KLRG2: variants seen among roughly 807,000 people sequenced by gnomAD.
KLRG2 encodes the protein killer cell lectin-like receptor subfamily G member 2.
KLRG2 carries 39 observed loss-of-function variants against 35.4 expected under a neutral mutation model. That is an observed-to-expected ratio of 1.10 (90% CI 0.85 to 1.44). The LOEUF (loss-of-function observed/expected upper bound fraction) is 1.44, where lower values mean the gene tolerates loss of function less well. Ranked by LOEUF, KLRG2 falls within the 40% of genes most tolerant of loss-of-function variation. The pLI is 0.00. For synonymous variants in KLRG2, 283 were observed against 265.8 expected, an observed-to-expected ratio of 1.06 and a Z score of -0.63; for missense variants, 632 against 570.9, an observed-to-expected ratio of 1.11 and a Z score of -1.09.
intron 3 of KLRG2, among the ~76,000 whole-genome samples, chr7:139,470,687 A>G (rs1341269483): frequency 1.3e-5 from 2 of 152,156 alleles, no homozygotes; most frequent in East Asian, 3.9e-4. Flanking sequence ...GCTACTTGGG[A>G]GGTTGAGGCA....
intron 3 of KLRG2, among the ~76,000 whole-genome samples, chr7:139,468,639 C>A (rs1796706890): frequency 6.6e-6 from 1 of 152,206 alleles, no homozygotes; most frequent in African/African-American, 2.4e-5. Flanking sequence ...GGTCTCTTCA[C>A]ACGGACGTGA....
the KLRG2 span, among the ~76,000 whole-genome samples, chr7:139,445,781 GTATATATATA>G: frequency 1.0e-4 from 10 of 98,486 alleles, 2 homozygotes; most frequent in African/African-American, 6.9e-4. Context: ...ATATATATAT[GTATATATATA>G]TGTGTGTATA....
the KLRG2 span, among the ~76,000 whole-genome samples, chr7:139,436,251 G>A: frequency 1.3e-5 from 2 of 151,866 alleles, no homozygotes; most frequent in East Asian, 1.9e-4. Flanking sequence ...TTTTTTCCTC[G>A]AGTCTCATCT....
chr7:139,442,931 C>T, the KLRG2 span, among the ~76,000 whole-genome samples: 1 of 151,620 alleles, frequency 6.6e-6, no homozygotes, highest in Non-Finnish European at 1.5e-5. Flanking sequence ...AGAGAAAAAA[C>T]GATACATTGG....
At chr7:139,462,931 T>C (rs1796591154) in intron 3 of KLRG2, among the ~76,000 whole-genome samples, 1 of 152,148 alleles carries the variant, frequency 6.6e-6, no homozygotes, top group Non-Finnish European at 1.5e-5. Flanking sequence ...AGGTTGCTCC[T>C]CACCAGGCCT....
At chr7:139,442,332 C>T in the KLRG2 span, among the ~76,000 whole-genome samples, 1 of 152,198 alleles carries the variant, frequency 6.6e-6, no homozygotes, top group African/African-American at 2.4e-5. Flanking sequence ...AGGTTATCCA[C>T]TCACATGAAT....
the KLRG2 span, among the ~76,000 whole-genome samples, chr7:139,432,437 G>C: frequency 6.6e-6 from 1 of 152,048 alleles, no homozygotes. Flanking sequence ...GACATTTACA[G>C]AGTTTAAATT....
At chr7:139,448,883 T>A (rs934418464), downstream of KLRG2, 2 of 150,292 alleles carry the variant, frequency 1.3e-5, no homozygotes, top group South Asian at 4.2e-4. Context: ...CTGAGGCGGG[T>A]GGATCATGAG....
Position 139,483,361 on chromosome 7 carries a change from C to T in KLRG2, c.282G>A (p.Pro94=), listed in dbSNP as rs765561330. 2 of 1,541,094 alleles carry T rather than the reference C, an allele frequency of 1.3e-6. No homozygotes were observed. The highest frequency in any genetic ancestry group is 1.2e-5 in the South Asian group (1 of 85,006). ...GCTTGACCAAGGCAGGGCCCGGTGA[C>T]GGCGGCTCGGGGCAGACCCCGTAGC... ...SLGYGVCPEP[P]SPGPALVKLP... Residue 94 remains proline, a synonymous_variant, in exon 1 of 5, where the codon CCG becomes CCA. Coordinates refer to ENST00000340940, the MANE Select transcript of KLRG2 (RefSeq NM_198508.4).
intron 3 of KLRG2, among the ~76,000 whole-genome samples, chr7:139,461,848 A>T (rs947961671): frequency 6.6e-6 from 1 of 152,118 alleles, no homozygotes; most frequent in Non-Finnish European, 1.5e-5. Flanking sequence ...GTCTCTTCAC[A>T]CGGATGCGTG....
intron 4 of KLRG2, 111 bp downstream of exon 4, chr7:139,454,000 G>A: frequency 1.3e-6 from 1 of 766,948 alleles, no homozygotes; most frequent in Non-Finnish European, 2.2e-6. Flanking sequence ...ATGGGCGTGG[G>A]CTGCTTTCCA....
the KLRG2 span, among the ~76,000 whole-genome samples, chr7:139,434,744 C>G: frequency 6.6e-6 from 1 of 152,294 alleles, no homozygotes; most frequent in East Asian, 1.9e-4. Flanking sequence ...AGAACTAGCG[C>G]AAGAGGGCGC....
At chr7:139,477,449 C>T (rs1456527632) in intron 3 of KLRG2, among the ~76,000 whole-genome samples, 2 of 152,104 alleles carry the variant, frequency 1.3e-5, no homozygotes. Flanking sequence ...GCCTTGAGGA[C>T]ATGATACTAA....
chr7:139,433,182 G>T, the KLRG2 span, among the ~76,000 whole-genome samples: 2 of 152,120 alleles, frequency 1.3e-5, no homozygotes, highest in African/African-American at 4.8e-5. Flanking sequence ...CTTTCACTCA[G>T]TCTCCATCCT....
chr7:139,479,618 C>A lies in KLRG2; in HGVS notation c.1005+9G>T, dbSNP rs371334163. ...CTGTACCCCCTTAGATTGGACACCC[C>A]CTTCTCACCTGGGTGTGGCTTAGCA... is the stretch of plus-strand genomic sequence containing the variant. On this transcript the variant is annotated intron_variant, in intron 3 of 4. Transcript: ENST00000340940. 1.2e-6 allele frequency: 2 copies of A among 1,610,608 alleles called. No individual in the cohort carries two copies. Among genetic ancestry groups the A allele is most frequent in the Admixed American group, 3.3e-5 (2 of 59,964 alleles).
chr7:139,447,327 A>C, the KLRG2 span, among the ~76,000 whole-genome samples: 1 of 151,840 alleles, frequency 6.6e-6, no homozygotes, highest in Non-Finnish European at 1.5e-5. Flanking sequence ...GCCATATGGT[A>C]TGGCCTATTA....
chr7:139,453,353 A>G lies in KLRG2; in HGVS notation c.*234T>C. On this transcript the variant is annotated 3_prime_UTR_variant, in exon 5 of 5. Transcript: ENST00000340940. ...TGTCATCAAACCGATCATCCACAGA[A>G]GCTGGAGACTAATATTGGCACTCAG... The G allele has an allele frequency of 1.9e-6, 1 of 539,590 alleles. No homozygotes were observed. Among genetic ancestry groups the G allele is most frequent in the Non-Finnish European group, 3.2e-6 (1 of 309,716 alleles). The allele number at this position is 539,590 out of a possible 1,614,324, so 33.4% of individuals were successfully genotyped here. A position where few individuals can be genotyped will look rare whatever the true frequency, so the allele number is the denominator to read the frequency against.
At chr7:139,479,929 C>T (rs186833472) in intron 2 of KLRG2, among the ~76,000 whole-genome samples, 157 bp from the exon 3 acceptor site, 386 of 152,326 alleles carry the variant, frequency 2.5e-3, no homozygotes, top group African/African-American at 8.8e-3. Context: ...ACAAAGTCCC[C>T]GGGGTGGCAG....
intron 3 of KLRG2, among the ~76,000 whole-genome samples, chr7:139,460,538 G>A (rs772659244): frequency 1.3e-5 from 2 of 151,902 alleles, no homozygotes; most frequent in Non-Finnish European, 1.5e-5. Context: ...AATTAGCCAG[G>A]CGTGGTTCCA....
Sources: gnomAD v4.1 joint callset for allele counts (sites outside exome capture counted in the v4.1 genomes callset) on GRCh38, gnomAD v4.1.1 for gene constraint, MANE v1.5 for transcripts, NCBI Gene and HGNC (gene_info 2026-07-23, HGNC 2026-07-21) for gene names.